The following LRBA variants were observed in gnomAD, a reference collection of about 807,000 sequenced individuals.
The protein encoded by LRBA is lipopolysaccharide-responsive and beige-like anchor protein.
In LRBA, 176 loss-of-function variants were observed where a neutral mutation model predicts 330.0. That is an observed-to-expected ratio of 0.53 (90% CI 0.47 to 0.60). LRBA has a LOEUF of 0.60. Ranked by LOEUF, LRBA falls within the 20% of genes least tolerant of loss-of-function variation. LRBA has a pLI of 0.00. For missense variants in LRBA, 3,259 were observed against 3,444.8 expected (o/e 0.95, Z 1.35); for synonymous variants, 1,230 against 1,193.0 (o/e 1.03, Z -0.64).
chr4:150,293,114 A>G (rs1353512964), intron 53 of LRBA, among the ~76,000 whole-genome samples: 1 of 152,182 alleles, frequency 6.6e-6, no homozygotes, highest in African/African-American at 2.4e-5. Context: ...ACAAAAATAT[A>G]TTATACAATA....
chr4:150,401,080 GAC>G (rs1456398954), intron 47 of LRBA, among the ~76,000 whole-genome samples: 3 of 152,178 alleles, frequency 2.0e-5, no homozygotes, highest in Non-Finnish European at 2.9e-5. Flanking sequence ...GGAAAATGTG[GAC>G]ACAGAGACAG....
At chr4:150,569,221 T>G (rs1472953910) in intron 40 of LRBA, among the ~76,000 whole-genome samples, 1 of 152,094 alleles carries the variant, frequency 6.6e-6, no homozygotes, top group Non-Finnish European at 1.5e-5. Flanking sequence ...AGCCTTCAGA[T>G]GTAACACAAT....
rs1228604201 is a variant in LRBA at position 150,559,771 on chromosome 4, ATAT to A, written c.6330+28274_6330+28276del. On this transcript the variant is annotated intron_variant, in intron 40 of 56. Transcript: ENST00000651943. ...ATATATATAACATTATAGATTATAT[ATAT>A]TATATTATATTATATATAATTATAA... Among the ~76,000 whole-genome samples, 437 of 86,998 alleles carry A rather than the reference ATAT, an allele frequency of 5.0e-3. 1 individual carries two copies. Among genetic ancestry groups the A allele is most frequent in the Non-Finnish European group, 7.2e-3 (352 of 48,908 alleles). The allele number at this position is 86,998 out of a possible 152,430, so 57.1% of individuals were successfully genotyped here.
intron 47 of LRBA, among the ~76,000 whole-genome samples, chr4:150,407,960 C>T (rs1746433011): frequency 6.6e-6 from 1 of 151,676 alleles, no homozygotes; most frequent in African/African-American, 2.4e-5. Flanking sequence ...GAGAAGAACT[C>T]AAATAAAAAA....
Position 150,282,620 on chromosome 4 carries a change from T to TCATG in LRBA, c.8142_8145dup (p.Asn2716HisfsTer13), listed in dbSNP as rs1264504989. On this transcript the variant is annotated frameshift_variant, in exon 55 of 57. Coordinates refer to ENST00000651943, the MANE Select transcript of LRBA (RefSeq NM_001364905.1). LOFTEE classifies it high-confidence loss of function. ...TCCAAGGTCCTCAACAAGTCTCCATTCATGGAATGTATGAGACATGGTCCT... is the reference window on the plus strand; with the variant it reads ...TCCAAGGTCCTCAACAAGTCTCCATTCATGCATGGAATGTATGAGACATGGTCCT... 6.2e-7 allele frequency: 1 copy of TCATG among 1,612,172 alleles called. No homozygotes were observed. Among genetic ancestry groups the TCATG allele is most frequent in the Middle Eastern group, 1.7e-4 (1 of 6,050 alleles).
chr4:150,309,038 G>C (rs935733701), intron 52 of LRBA, among the ~76,000 whole-genome samples: 1 of 152,074 alleles, frequency 6.6e-6, no homozygotes, highest in African/African-American at 2.4e-5. Flanking sequence ...CTCACCCAGC[G>C]CAACTTCCAG....
At chr4:150,471,765 T>C (rs2152068621) in intron 42 of LRBA, 26 bp from the exon 43 acceptor site, 1 of 919,088 alleles carries the variant, frequency 1.1e-6, no homozygotes, top group Non-Finnish European at 1.8e-6. Flanking sequence ...TTCAATGTGA[T>C]ATGATTAATT....
intron 37 of LRBA, among the ~76,000 whole-genome samples, chr4:150,645,508 C>T (rs10034965): frequency 0.067 from 10,235 of 151,822 alleles, 589 homozygotes; most frequent in East Asian, 0.18. Flanking sequence ...AACTTCAATC[C>T]CAGAAGTATT....
intron 36 of LRBA, among the ~76,000 whole-genome samples, chr4:150,694,014 T>C (rs1010196809): frequency 2.0e-5 from 3 of 152,170 alleles, no homozygotes; most frequent in Admixed American, 2.0e-4. Flanking sequence ...AAAACCTCTT[T>C]TAAAGACTTT....
chr4:150,540,766 TAAG>T (rs1478566967), intron 40 of LRBA, among the ~76,000 whole-genome samples: 1 of 152,284 alleles, frequency 6.6e-6, no homozygotes, highest in African/African-American at 2.4e-5. Flanking sequence ...CCACAGAAGC[TAAG>T]AAGGGCCCTG....
At chr4:150,639,743 A>ATATATATG (rs1778337746) in intron 37 of LRBA, among the ~76,000 whole-genome samples, 1 of 1,430 alleles carries the variant, frequency 7.0e-4, no homozygotes, top group African/African-American at 2.0e-3. Flanking sequence ...CCAAATATAT[A>ATATATATG]TATATATATA....
intron 48 of LRBA, among the ~76,000 whole-genome samples, chr4:150,346,757 C>CAAAAAAAAAAAAAAAAAAAAA (rs57119340): frequency 1.5e-5 from 1 of 66,150 alleles, no homozygotes; most frequent in African/African-American, 7.8e-5. Context: ...GACTCTGTCT[C>CAAAAAAAAAAAAAAAAAAAAA]AAAAAAAAAA....
intron 31 of LRBA, among the ~76,000 whole-genome samples, chr4:150,808,898 T>C (rs1043212594): frequency 4.9e-4 from 75 of 152,208 alleles, no homozygotes; most frequent in Admixed American, 4.6e-3. Context: ...TGTAATCTTG[T>C]ATCACAACTA....
intron 40 of LRBA, among the ~76,000 whole-genome samples, chr4:150,552,638 C>G (rs1158572713): frequency 1.3e-5 from 2 of 152,052 alleles, no homozygotes; most frequent in African/African-American, 4.8e-5. Flanking sequence ...CCAGCCATCC[C>G]ATTACTGGGT....
rs1241981961 is a variant in LRBA, at chr4:150,583,531, G to A, written c.6330+4517C>T. On this transcript the variant is annotated intron_variant, in intron 40 of 56. Transcript: ENST00000651943. This position sits in a 1 kb window ranked among gnomAD's most constrained non-coding sequence, Gnocchi z 9.8. ...GTTGCGCATCAGGGAGCGCTATGTG[G>A]TGCAAATCACTCCGGCGTTCAAGTG... The A allele has an allele frequency of 1.2e-6, 2 of 1,613,820 alleles. No homozygotes were observed. Among genetic ancestry groups the A allele is most frequent in the South Asian group, 1.1e-5 (1 of 91,084 alleles).
chr4:150,436,912 C>A (rs1305423487), intron 44 of LRBA, 48 bp from the exon 45 acceptor site: 1 of 1,535,132 alleles, frequency 6.5e-7, no homozygotes, highest in East Asian at 2.3e-5. Flanking sequence ...TGTAATCATC[C>A]TTCATGTCTT....
At chr4:150,528,418 G>A (rs1001354934) in intron 40 of LRBA, among the ~76,000 whole-genome samples, 1 of 151,462 alleles carries the variant, frequency 6.6e-6, no homozygotes, top group African/African-American at 2.4e-5. Flanking sequence ...GGAGAATGGC[G>A]TGAACCCGGG....
At chr4:150,689,670 A>T (rs1783945037) in intron 36 of LRBA, among the ~76,000 whole-genome samples, 1 of 152,194 alleles carries the variant, frequency 6.6e-6, no homozygotes, top group East Asian at 1.9e-4. Context: ...TCACATCTGT[A>T]ATCTCAGCAC....
In LRBA at chr4:150,908,606, A is replaced by G. The variant is rs76457743; in HGVS notation, c.1359+54T>C. 1,666 of 1,511,306 alleles carry G rather than the reference A, an allele frequency of 1.1e-3. 22 individuals are homozygous for G. The East Asian group carries it at 0.031, about 28-fold the overall frequency. 93.6% of individuals were successfully genotyped at this position (1,511,306 alleles called of 1,614,324 possible). The stretch of plus-strand genomic sequence containing the variant: ...AACAGAAGCTACCAAATACATCTCA[A>G]TAACACATCAAAAATTACCATTATA... On this transcript the variant is annotated intron_variant, in intron 10 of 56. Coordinates refer to ENST00000651943, the MANE Select transcript of LRBA (RefSeq NM_001364905.1).
Sources: gnomAD v4.1 joint callset for allele counts (sites outside exome capture counted in the v4.1 genomes callset) on GRCh38, gnomAD v4.1.1 for gene constraint, Gnocchi (gnomAD v3.1) non-coding constraint, MANE v1.5 for transcripts, NCBI Gene and HGNC (gene_info 2026-07-23, HGNC 2026-07-21) for gene names.